EIF4E3: variants seen among roughly 807,000 people sequenced by gnomAD.
EIF4E3 encodes the protein eukaryotic translation initiation factor 4E family member 3, also known as eukaryotic translation initiation factor 4E type 3.
Under a neutral mutation model 31.7 loss-of-function variants are expected in EIF4E3, and 26 were observed. The ratio of observed to expected loss-of-function variants is 0.82; its 90% confidence interval spans 0.60 to 1.14. The LOEUF is 1.14. EIF4E3 is among the 50% of genes most tolerant of loss of function. The pLI is 0.00. For synonymous variants in EIF4E3, 128 were observed against 107.7 expected, an observed-to-expected ratio of 1.19 and a Z score of -1.17; for missense variants, 304 against 270.9, an observed-to-expected ratio of 1.12 and a Z score of -0.86.
chr3:71,706,375 G>A (rs2049293153), intron 2 of EIF4E3, among the ~76,000 whole-genome samples: 1 of 151,956 alleles, frequency 6.6e-6, no homozygotes, highest in African/African-American at 2.4e-5. Flanking sequence ...TTTGCTAAAG[G>A]GCCTCAAAGT....
intron 2 of EIF4E3, among the ~76,000 whole-genome samples, chr3:71,707,688 T>C (rs1405906780): frequency 6.6e-6 from 1 of 151,942 alleles, no homozygotes; most frequent in Non-Finnish European, 1.5e-5. Flanking sequence ...AGACACCGTA[T>C]GTTTATGGAC....
chr3:71,730,259 C>A (rs560116066), upstream of EIF4E3, among the ~76,000 whole-genome samples: 105 of 152,296 alleles, frequency 6.9e-4, no homozygotes, highest in Non-Finnish European at 1.3e-3. Flanking sequence ...CTGCTCTAAC[C>A]AAGATCCTGC....
At chr3:71,707,757 C>T (rs2049314939) in intron 2 of EIF4E3, among the ~76,000 whole-genome samples, 1 of 152,142 alleles carries the variant, frequency 6.6e-6, no homozygotes, top group Admixed American at 6.5e-5. Context: ...TGATCTACTT[C>T]CCCTGCAAGA....
rs1266679156 is a variant in EIF4E3 at position 71,675,552 on chromosome 3, A to AT, written c.*9129dup. 2 of 152,174 alleles carry AT rather than the reference A, an allele frequency of 1.3e-5. No homozygotes were observed. The highest frequency in any genetic ancestry group is 2.9e-5 in the Non-Finnish European group (2 of 68,018). The allele number at this position is 152,174 out of a possible 1,614,324, so 9.4% of individuals were successfully genotyped here. ...CAAAGAAGCAGGTTAGAAAACATGC[A>AT]TTTTTTCCACATAATATATGGAATG... is the stretch of plus-strand genomic sequence containing the variant. On this transcript the variant is annotated 3_prime_UTR_variant, in exon 7 of 7. Coordinates refer to ENST00000425534, the MANE Select transcript of EIF4E3 (RefSeq NM_001134651.2).
chr3:71,719,989 G>C (rs890672833), intron 1 of EIF4E3, among the ~76,000 whole-genome samples: 1 of 151,870 alleles, frequency 6.6e-6, no homozygotes, highest in Non-Finnish European at 1.5e-5. Context: ...ACTCCAGCCT[G>C]GGTAACAGAG....
At chr3:71,752,438 C>T (rs1476823348) in intron 1 of EIF4E3, among the ~76,000 whole-genome samples, 10 of 152,150 alleles carry the variant, frequency 6.6e-5, no homozygotes, top group African/African-American at 2.4e-4. Flanking sequence ...ACTAAAGTTT[C>T]GACTTCTTAG....
At chr3:71,716,452 C>T (rs1055074895) in intron 1 of EIF4E3, among the ~76,000 whole-genome samples, 1 of 152,198 alleles carries the variant, frequency 6.6e-6, no homozygotes, top group Non-Finnish European at 1.5e-5. Flanking sequence ...CCAGGATGGT[C>T]TCGATCTCCT....
At position 71,680,216 on chromosome 3, in the gene EIF4E3, T is replaced by C. The variant is rs1036510019; in HGVS notation, c.*4466A>G. 3.3e-5 allele frequency: 5 copies of C among 152,160 alleles called. No homozygotes were observed. Among genetic ancestry groups the C allele is most frequent in the Admixed American group, 2.6e-4 (4 of 15,272 alleles). 9.4% of individuals were successfully genotyped at this position (152,160 alleles called of 1,614,324 possible). ...CTTAGGGTTGGGAGGCTTTCCTCAT[T>C]TGTCATATGTGGGAGTTGGATAAAA... On this transcript the variant is annotated 3_prime_UTR_variant, in exon 7 of 7. Coordinates refer to ENST00000425534, the MANE Select transcript of EIF4E3 (RefSeq NM_001134651.2).
At chr3:71,711,130 A>G (rs928587478) in intron 1 of EIF4E3, among the ~76,000 whole-genome samples, 5 of 152,220 alleles carry the variant, frequency 3.3e-5, no homozygotes, top group African/African-American at 1.2e-4. Context: ...GCAACATACT[A>G]CAGGTTTAGT....
Position 71,690,168 on chromosome 3 carries a change from G to A in EIF4E3, c.473-3C>T, listed in dbSNP as rs907555557. On this transcript the variant is annotated splice_region_variant and splice_polypyrimidine_tract_variant and intron_variant, in intron 5 of 6. Coordinates refer to ENST00000425534, the MANE Select transcript of EIF4E3 (RefSeq NM_001134651.2). ...ACTAACTCCTATTACTTCATCATCTGAGGGGAAGACAGGAAAAAAAAAAAA... is the reference window on the plus strand; with the variant it reads ...ACTAACTCCTATTACTTCATCATCTAAGGGGAAGACAGGAAAAAAAAAAAA... 6 of 1,596,558 alleles carry A rather than the reference G, an allele frequency of 3.8e-6. No individual in the cohort carries two copies. The highest frequency in any genetic ancestry group is 1.4e-5 in the African/African-American group (1 of 73,478).
At chr3:71,688,137 T>A (rs1456361957) in intron 6 of EIF4E3, among the ~76,000 whole-genome samples, 1 of 152,224 alleles carries the variant, frequency 6.6e-6, no homozygotes, top group African/African-American at 2.4e-5. Flanking sequence ...TACTTTGCAA[T>A]GGCCCCTACC....
At chr3:71,699,099 C>T (rs555365256) in intron 3 of EIF4E3, among the ~76,000 whole-genome samples, 24 of 152,102 alleles carry the variant, frequency 1.6e-4, no homozygotes, top group Admixed American at 9.2e-4. Flanking sequence ...TGGTGGCACA[C>T]ACCTGTAGTC....
At chr3:71,695,575 A>G (rs953015053) in intron 4 of EIF4E3, among the ~76,000 whole-genome samples, 1 of 152,226 alleles carries the variant, frequency 6.6e-6, no homozygotes, top group Non-Finnish European at 1.5e-5. Flanking sequence ...TTCATTATGT[A>G]TGCCAAATAA....
upstream of EIF4E3, chr3:71,754,036 C>T (rs2049969866): frequency 8.3e-7 from 1 of 1,207,180 alleles, no homozygotes; most frequent in Non-Finnish European, 1.0e-6. This position sits in a 1 kb window ranked among gnomAD's most constrained non-coding sequence, Gnocchi z 5.8. Flanking sequence ...AGCGCACGGC[C>T]TGGTGAGGCC....
intron 1 of EIF4E3, among the ~76,000 whole-genome samples, chr3:71,720,797 G>C (rs2049536480): frequency 1.3e-5 from 2 of 152,130 alleles, no homozygotes; most frequent in Admixed American, 1.3e-4. Flanking sequence ...GAGCCGGCTA[G>C]GAGGTAACTG....
intron 3 of EIF4E3, among the ~76,000 whole-genome samples, chr3:71,697,024 T>A (rs1051203927): frequency 2.0e-5 from 3 of 150,036 alleles, no homozygotes; most frequent in Non-Finnish European, 4.5e-5. Context: ...GGCCCCTGAA[T>A]TTTTTTTTAA....
At chr3:71,740,068 C>A (rs921397506) in intron 1 of EIF4E3, among the ~76,000 whole-genome samples, 1 of 151,342 alleles carries the variant, frequency 6.6e-6, no homozygotes, top group African/African-American at 2.4e-5. Context: ...AAATAAAGCA[C>A]TAAAATAACA....
At chr3:71,695,944 A>C (rs1468398685) in intron 4 of EIF4E3, among the ~76,000 whole-genome samples, 1 of 152,148 alleles carries the variant, frequency 6.6e-6, no homozygotes, top group Non-Finnish European at 1.5e-5. Context: ...AGGTCATCAC[A>C]CCATCCAGGT....
intron 6 of EIF4E3, among the ~76,000 whole-genome samples, chr3:71,685,131 C>G (rs2048975506): frequency 6.6e-6 from 1 of 151,952 alleles, no homozygotes; most frequent in African/African-American, 2.4e-5. Context: ...CGCTTACAAG[C>G]CTATCTTTAA....
Sources: allele counts gnomAD v4.1 joint callset (sites outside exome capture counted in the v4.1 genomes callset), GRCh38; gene constraint gnomAD v4.1.1; non-coding constraint Gnocchi (gnomAD v3.1); transcripts MANE v1.5; gene names NCBI Gene and HGNC (gene_info 2026-07-23, HGNC 2026-07-21).